PACSIN2: variants seen among roughly 807,000 people sequenced by gnomAD.
PACSIN2 encodes protein kinase C and casein kinase substrate in neurons protein 2.
A neutral mutation model predicts 63.8 loss-of-function variants in PACSIN2; 25 were observed. The observed-to-expected ratio is 0.39, with a 90% CI of 0.29 to 0.55. PACSIN2 has a LOEUF of 0.55. PACSIN2 is among the 20% of genes least tolerant of loss of function. PACSIN2 has a pLI of 0.62. For synonymous variants in PACSIN2, 255 were observed against 256.2 expected, an observed-to-expected ratio of 1.00 and a Z score of 0.05; for missense variants, 518 against 646.9, an observed-to-expected ratio of 0.80 and a Z score of 2.16.
intron 1 of PACSIN2, among the ~76,000 whole-genome samples, chr22:42,924,222 C>G (rs995284596): frequency 6.6e-6 from 1 of 152,066 alleles, no homozygotes; most frequent in Admixed American, 6.5e-5. Context: ...TGACCAGACC[C>G]CCTGCATCTC....
At chr22:42,933,019 T>G (rs17003421) in intron 1 of PACSIN2, among the ~76,000 whole-genome samples, 1 of 152,186 alleles carries the variant, frequency 6.6e-6, no homozygotes, top group Non-Finnish European at 1.5e-5. Flanking sequence ...GTATCAAGAG[T>G]TGCTGTATCA....
At chr22:42,939,803 G>C (rs1423285727) in intron 1 of PACSIN2, among the ~76,000 whole-genome samples, 1 of 152,166 alleles carries the variant, frequency 6.6e-6, no homozygotes, top group Non-Finnish European at 1.5e-5. Context: ...CAGGGTGAAC[G>C]AAAGGTCATT....
chr22:43,010,398 A>ATATATATATATTTTTTTTTTTT, intron 1 of PACSIN2, among the ~76,000 whole-genome samples: 6 of 126,396 alleles, frequency 4.7e-5, no homozygotes, highest in South Asian at 2.7e-4. Context: ...ATATATATAT[A>ATATATATATATTTTTTTTTTTT]TTTTTTTTTA....
rs111257590 is a variant in PACSIN2, at chr22:42,960,962, T to C, written c.-77-48805A>G. ...GACAGGAAACAAATATTTCAAGGGA[T>C]CAATTTCTGCTAGGTGCCCTCCTAG... On this transcript the variant is annotated intron_variant, in intron 1 of 10. Coordinates refer to ENST00000263246, the MANE Select transcript of PACSIN2 (RefSeq NM_001184970.3). Among the ~76,000 whole-genome samples the C allele has an allele frequency of 4.3e-3, 654 of 152,274 alleles. 3 individuals carry two copies. Among genetic ancestry groups the C allele is most frequent in the African/African-American group, 0.015 (617 of 41,546 alleles).
intron 1 of PACSIN2, among the ~76,000 whole-genome samples, chr22:43,009,973 G>C (rs573205866): frequency 6.7e-6 from 1 of 149,158 alleles, no homozygotes; most frequent in South Asian, 2.1e-4. Context: ...GGGTTCTAGT[G>C]ATTCTCCTGC....
At chr22:42,973,110 C>A (rs1231414706) in intron 1 of PACSIN2, among the ~76,000 whole-genome samples, 1 of 152,172 alleles carries the variant, frequency 6.6e-6, no homozygotes, top group Non-Finnish European at 1.5e-5. Flanking sequence ...TGGGACATGA[C>A]CGTCAGCTCA....
intron 1 of PACSIN2, among the ~76,000 whole-genome samples, chr22:42,977,475 G>C (rs189254426): frequency 2.8e-4 from 42 of 152,300 alleles, no homozygotes; most frequent in Admixed American, 2.6e-3. Flanking sequence ...GTGCTCCATA[G>C]AAACAGAATG....
At chr22:42,924,816 G>A (rs1287680731) in intron 1 of PACSIN2, among the ~76,000 whole-genome samples, 1 of 151,526 alleles carries the variant, frequency 6.6e-6, no homozygotes, top group Non-Finnish European at 1.5e-5. Flanking sequence ...AAGCGCAGTG[G>A]CACGATCTCA....
At chr22:42,898,936 C>T (rs1386385714) in intron 2 of PACSIN2, among the ~76,000 whole-genome samples, 1 of 152,172 alleles carries the variant, frequency 6.6e-6, no homozygotes, top group Non-Finnish European at 1.5e-5. Flanking sequence ...CACAGGCGTG[C>T]TGGGGGGACT....
intron 7 of PACSIN2, 93 bp downstream of exon 7, chr22:42,882,091 T>C: frequency 7.0e-7 from 1 of 1,428,604 alleles, no homozygotes; most frequent in Non-Finnish European, 9.8e-7. Flanking sequence ...AACACTAACA[T>C]AGAGTCTAGA....
intron 1 of PACSIN2, chr22:43,002,206 C>T (rs1308059191): frequency 6.6e-6 from 1 of 152,206 alleles, no homozygotes; most frequent in African/African-American, 2.4e-5. Context: ...TAAAGGACCA[C>T]ACGACCCCCA....
intron 1 of PACSIN2, among the ~76,000 whole-genome samples, chr22:43,011,973 C>T (rs771119963): frequency 7.9e-5 from 12 of 151,718 alleles, no homozygotes; most frequent in African/African-American, 2.9e-4. Context: ...GGTGAAATCC[C>T]GTCTCTACTA....
In PACSIN2 at chr22:42,880,608, GAC is replaced by G. The variant is rs541260203; in HGVS notation, c.907-1441_907-1440del. 3 of 152,330 alleles carry G rather than the reference GAC, an allele frequency of 2.0e-5. No individual in the cohort carries two copies. The South Asian group carries it at 6.2e-4, about 32-fold the overall frequency. 9.4% of individuals were successfully genotyped at this position (152,330 alleles called of 1,614,324 possible). On this transcript the variant is annotated intron_variant, in intron 7 of 10. Transcript: ENST00000263246. ...GCACTCTATGAGGTAGCCGAACGCA[GAC>G]ACTTACTTCATCCTTGTGGCATGAA...
intron 1 of PACSIN2, among the ~76,000 whole-genome samples, chr22:42,924,074 A>C (rs2146755555): frequency 6.6e-6 from 1 of 150,896 alleles, no homozygotes; most frequent in South Asian, 2.1e-4. Flanking sequence ...CCTGGAGAAT[A>C]CCCGACTTTG....
chr22:42,992,793 T>G (rs1923129626), intron 1 of PACSIN2, among the ~76,000 whole-genome samples: 1 of 152,178 alleles, frequency 6.6e-6, no homozygotes, highest in African/African-American at 2.4e-5. Flanking sequence ...TGAAACTAAC[T>G]GATAAATGCT....
chr22:42,984,420 C>T (rs1331473147), intron 1 of PACSIN2, among the ~76,000 whole-genome samples: 2 of 152,172 alleles, frequency 1.3e-5, no homozygotes, highest in South Asian at 2.1e-4. Context: ...TCTAGGCCCT[C>T]GGCCTCCCTG....
intron 1 of PACSIN2, among the ~76,000 whole-genome samples, chr22:42,920,555 C>T (rs186176818): frequency 0.011 from 1,714 of 152,264 alleles, 16 homozygotes; most frequent in Non-Finnish European, 0.016. Context: ...TCTCCTTCCT[C>T]CCAAAGGCCT....
chr22:42,960,179 T>TA (rs547086417), intron 1 of PACSIN2, among the ~76,000 whole-genome samples: 4 of 152,356 alleles, frequency 2.6e-5, no homozygotes, highest in African/African-American at 9.6e-5. Flanking sequence ...ATGAGTCTTC[T>TA]AATATCTTCT....
At chr22:42,988,177 A>G (rs1468481750) in intron 1 of PACSIN2, among the ~76,000 whole-genome samples, 1 of 152,180 alleles carries the variant, frequency 6.6e-6, no homozygotes, top group African/African-American at 2.4e-5. Flanking sequence ...TGTTCCAGAG[A>G]ACACAAAAGC....
Sources: gnomAD v4.1 joint callset for allele counts (sites outside exome capture counted in the v4.1 genomes callset) on GRCh38, gnomAD v4.1.1 for gene constraint, MANE v1.5 for transcripts, NCBI Gene and HGNC (gene_info 2026-07-23, HGNC 2026-07-21) for gene names.